Variants in PCSK5 observed in about 807,000 individuals in gnomAD.
PCSK5 encodes the protein proprotein convertase subtilisin/kexin type 5.
A neutral mutation model predicts 233.2 loss-of-function variants in PCSK5; 129 were observed. The ratio of observed to expected loss-of-function variants is 0.55; its 90% CI spans 0.48 to 0.64. The LOEUF is 0.64. Among genes scored for constraint, PCSK5 ranks in the 30% least tolerant of loss-of-function variants. PCSK5 has a pLI of 0.00. For synonymous variants in PCSK5, 825 were observed against 879.2 expected (o/e 0.94, Z 1.09); for missense variants, 2,076 against 2,430.1 (o/e 0.85, Z 3.06).
At chr9:76,010,093 T>C (rs1827667471) in intron 3 of PCSK5, among the ~76,000 whole-genome samples, 1 of 152,158 alleles carries the variant, frequency 6.6e-6, no homozygotes, top group Non-Finnish European at 1.5e-5. Context: ...TGTCTTTCTT[T>C]CTACTTGGGA....
intron 2 of PCSK5, among the ~76,000 whole-genome samples, chr9:75,952,508 C>T (rs978251112): frequency 6.6e-6 from 1 of 152,128 alleles, no homozygotes; most frequent in Non-Finnish European, 1.5e-5. Context: ...TTGGACAGTT[C>T]TGTTGAATTT....
intron 9 of PCSK5, among the ~76,000 whole-genome samples, chr9:76,117,463 C>A (rs1258942567): frequency 6.6e-6 from 1 of 152,094 alleles, no homozygotes; most frequent in Non-Finnish European, 1.5e-5. Flanking sequence ...GAGATGACAG[C>A]ATTTTTGCTG....
rs1392878866 is a variant in PCSK5, at chr9:76,233,490, C to A, written c.2760C>A (p.Asn920Lys). 2 of 1,612,778 alleles carry A rather than the reference C, an allele frequency of 1.2e-6. No individual in the cohort carries two copies. The highest frequency in any genetic ancestry group is 1.7e-6 in the Non-Finnish European group (2 of 1,179,824). The change falls in exon 22 of 38, where the codon AAC (asparagine) becomes AAA (lysine). Residue 920 changes from asparagine (N) to lysine (K), a missense_variant. Coordinates refer to ENST00000674117, the MANE Select transcript of PCSK5 (RefSeq NM_001372043.1). ...RIFDDGRCVS[N>K]CPSWKFEFEN... The stretch of plus-strand genomic sequence containing the variant: ...TTGATGATGGCCGCTGTGTTTCGAA[C>A]TGCCCCTCATGGAAATTTGAATTTG...
intron 20 of PCSK5, among the ~76,000 whole-genome samples, chr9:76,196,158 G>C (rs892800506): frequency 6.6e-6 from 1 of 152,196 alleles, no homozygotes; most frequent in African/African-American, 2.4e-5. Flanking sequence ...ATCCATAAAG[G>C]CTTGGTATTG....
intron 21 of PCSK5, among the ~76,000 whole-genome samples, chr9:76,228,119 A>G (rs1297291103): frequency 1.3e-5 from 2 of 151,584 alleles, no homozygotes; most frequent in Non-Finnish European, 2.9e-5. Context: ...ATAGGCGCCC[A>G]CCACCACGCC....
At chr9:75,965,830 C>T (rs1825560216) in intron 2 of PCSK5, among the ~76,000 whole-genome samples, 1 of 152,146 alleles carries the variant, frequency 6.6e-6, no homozygotes, top group Non-Finnish European at 1.5e-5. Flanking sequence ...TTTGCTTTTT[C>T]AGTCACTGAT....
At chr9:75,928,538 A>C (rs897206314) in intron 1 of PCSK5, among the ~76,000 whole-genome samples, 3 of 145,860 alleles carry the variant, frequency 2.1e-5, no homozygotes, top group Non-Finnish European at 4.5e-5. Context: ...AATTCTCTTC[A>C]GTAAGGGACA....
intron 2 of PCSK5, among the ~76,000 whole-genome samples, chr9:75,969,097 C>T (rs1204048596): frequency 6.6e-6 from 1 of 152,262 alleles, no homozygotes; most frequent in East Asian, 1.9e-4. Flanking sequence ...CATTCTAAGG[C>T]TACTGCTAAT....
intron 7 of PCSK5, among the ~76,000 whole-genome samples, chr9:76,094,276 GACAGCA>G (rs751844099): frequency 0.01 from 1,572 of 152,204 alleles, 18 homozygotes; most frequent in South Asian, 0.032. Context: ...GAAATTCTAA[GACAGCA>G]TCCCCCAAAT....
intron 2 of PCSK5, among the ~76,000 whole-genome samples, chr9:75,985,471 T>A (rs1008979978): frequency 2.0e-5 from 3 of 152,086 alleles, no homozygotes; most frequent in Non-Finnish European, 4.4e-5. Flanking sequence ...CTCCAAATAG[T>A]GTCTTTCCAC....
intron 20 of PCSK5, among the ~76,000 whole-genome samples, chr9:76,222,635 T>G (rs1259914423): frequency 6.6e-6 from 1 of 152,256 alleles, no homozygotes; most frequent in Non-Finnish European, 1.5e-5. Flanking sequence ...TTTAGCATAG[T>G]GTCTTCAAGG....
chr9:76,003,671 C>T (rs1011796642), intron 3 of PCSK5, among the ~76,000 whole-genome samples: 3 of 152,238 alleles, frequency 2.0e-5, no homozygotes, highest in Non-Finnish European at 4.4e-5. Context: ...ACCACCCTCA[C>T]TTCTAAGAAA....
At chr9:76,028,651 A>G (rs1287425472) in intron 5 of PCSK5, among the ~76,000 whole-genome samples, 1 of 152,146 alleles carries the variant, frequency 6.6e-6, no homozygotes, top group Non-Finnish European at 1.5e-5. Flanking sequence ...TGTTATCCCC[A>G]GGAGCAATTT....
intron 20 of PCSK5, among the ~76,000 whole-genome samples, chr9:76,226,896 C>G (rs926319403): frequency 3.3e-5 from 5 of 152,068 alleles, no homozygotes; most frequent in Non-Finnish European, 5.9e-5. Flanking sequence ...TTGCAGGGCC[C>G]CATATGTGTT....
chr9:76,143,818 T>C (rs1245803095), intron 10 of PCSK5, among the ~76,000 whole-genome samples: 2 of 152,048 alleles, frequency 1.3e-5, no homozygotes, highest in Non-Finnish European at 2.9e-5. Flanking sequence ...GATTGCTTCT[T>C]GAAAAATGTC....
chr9:75,908,921 A>ATCTATCTATCTATCTC (rs1554704500), intron 1 of PCSK5, among the ~76,000 whole-genome samples: 1 of 113,338 alleles, frequency 8.8e-6, no homozygotes, highest in Non-Finnish European at 2.0e-5. Flanking sequence ...CTATCTATCT[A>ATCTATCTATCTATCTC]TCTCTCTATC....
At chr9:76,086,610 T>C (rs1406403072) in intron 7 of PCSK5, among the ~76,000 whole-genome samples, 2 of 152,166 alleles carry the variant, frequency 1.3e-5, no homozygotes, top group African/African-American at 4.8e-5. Context: ...GAGAAGGTTG[T>C]TTTATTTTGT....
At chr9:76,038,155 A>AC (rs1197074436) in intron 5 of PCSK5, among the ~76,000 whole-genome samples, 1 of 151,814 alleles carries the variant, frequency 6.6e-6, no homozygotes, top group East Asian at 1.9e-4. Context: ...AAAGGATCAC[A>AC]CCCCCTCCCA....
chr9:76,153,885 G>T (rs1268607602), intron 10 of PCSK5, among the ~76,000 whole-genome samples: 1 of 152,196 alleles, frequency 6.6e-6, no homozygotes, highest in Non-Finnish European at 1.5e-5. Flanking sequence ...ATCATATTCT[G>T]AACCCTTGGG....
Sources: allele counts gnomAD v4.1 joint callset (sites outside exome capture counted in the v4.1 genomes callset), GRCh38; gene constraint gnomAD v4.1.1; transcripts MANE v1.5; gene names NCBI Gene and HGNC (gene_info 2026-07-23, HGNC 2026-07-21).